Variants in BICD2 observed in about 807,000 individuals in gnomAD.
BICD2 encodes the protein protein bicaudal D homolog 2.
In BICD2, 25 loss-of-function variants were observed where a neutral mutation model predicts 72.9. The ratio of observed to expected loss-of-function variants is 0.34; its 90% CI spans 0.25 to 0.48. The LOEUF (loss-of-function observed/expected upper bound fraction) is 0.48. BICD2 is among the 20% of genes least tolerant of loss of function. The pLI is 0.99. For synonymous variants in BICD2, 501 were observed against 516.1 expected, an observed-to-expected ratio of 0.97 and a Z score of 0.40; for missense variants, 894 against 1,175.2, an observed-to-expected ratio of 0.76 and a Z score of 3.50.
At chr9:92,718,187 C>T (rs1040560205) in intron 5 of BICD2, among the ~76,000 whole-genome samples, 8 of 152,214 alleles carry the variant, frequency 5.3e-5, no homozygotes, top group Admixed American at 2.6e-4. Flanking sequence ...GCCAACAGGA[C>T]CTCCACGAAG....
At position 92,764,424 on chromosome 9, in the gene BICD2, C is replaced by T; in HGVS notation, c.240+81G>A. On this transcript the variant is annotated intron_variant, in intron 1 of 6. Transcript: ENST00000356884. The surrounding 1 kb of genome is among the most constrained non-coding windows in gnomAD (Gnocchi z 5.5). ...GCCGGCCCCCGCTTGGCAAGCTGACCTTGGCCGCCCTGGTGCCAGGGACGA... is the reference window on the plus strand; with the variant it reads ...GCCGGCCCCCGCTTGGCAAGCTGACTTTGGCCGCCCTGGTGCCAGGGACGA... 7.2e-7 allele frequency: 1 copy of T among 1,385,246 alleles called. No homozygotes were observed. Among genetic ancestry groups the T allele is most frequent in the Non-Finnish European group, 9.3e-7 (1 of 1,071,878 alleles). The allele number at this position is 1,385,246 out of a possible 1,614,324, so 85.8% of individuals were successfully genotyped here.
chr9:92,758,551 CAAAA>C (rs35074765), intron 1 of BICD2, among the ~76,000 whole-genome samples: 1 of 95,708 alleles, frequency 1.0e-5, no homozygotes. Context: ...GACTCCGTCT[CAAAA>C]AAAAAAAAAA....
At chr9:92,757,068 C>A (rs1286228603) in intron 1 of BICD2, among the ~76,000 whole-genome samples, 2 of 152,044 alleles carry the variant, frequency 1.3e-5, no homozygotes, top group Non-Finnish European at 2.9e-5. Context: ...AATCCTAGCA[C>A]CTTGCTGGGC....
Position 92,718,635 on chromosome 9 carries a change from T to G in BICD2, c.2010A>C (p.Glu670Asp), listed in dbSNP as rs1173011262. ...ELGPAVDKDK[E>D]ALMEEILKLK... ...GCTTGAGGATCTCCTCCATAAGCGC[T>G]TCCTTGTCCTTGTCCACGGCGGGGC... is the stretch of plus-strand genomic sequence containing the variant. Residue 670 changes from glutamate to aspartate, a missense_variant, in exon 5 of 7, where the codon GAA becomes GAC. Physicochemically the swap from Glu to Asp is conservative, Grantham distance 45 (BLOSUM62 2). Coordinates refer to ENST00000356884, the MANE Select transcript of BICD2 (RefSeq NM_001003800.2). The G allele has an allele frequency of 6.2e-7, 1 of 1,613,890 alleles. No individual in the cohort carries two copies. Among genetic ancestry groups the G allele is most frequent in the East Asian group, 2.2e-5 (1 of 44,862 alleles).
At chr9:92,743,599 G>T (rs576768804) in intron 1 of BICD2, among the ~76,000 whole-genome samples, 3 of 152,118 alleles carry the variant, frequency 2.0e-5, no homozygotes, top group African/African-American at 7.2e-5. Context: ...AAGTTCTCAG[G>T]AGAACCCATG....
chr9:92,758,126 C>T (rs977762390), intron 1 of BICD2, among the ~76,000 whole-genome samples: 9 of 151,470 alleles, frequency 5.9e-5, no homozygotes, highest in Non-Finnish European at 2.9e-5. Flanking sequence ...ATTGCTTGAA[C>T]CTGGAAGGCA....
intron 5 of BICD2, among the ~76,000 whole-genome samples, chr9:92,718,290 G>A (rs1023841803): frequency 2.6e-5 from 4 of 152,250 alleles, no homozygotes; most frequent in African/African-American, 9.6e-5. Context: ...AGTGAGTCAA[G>A]GGCAGCGGCA....
At chr9:92,763,095 G>A (rs1012892332) in intron 1 of BICD2, among the ~76,000 whole-genome samples, 1 of 152,184 alleles carries the variant, frequency 6.6e-6, no homozygotes, top group Non-Finnish European at 1.5e-5. Flanking sequence ...ACAGACAACA[G>A]AATCGAGTCC....
chr9:92,754,799 C>A (rs1025597036), intron 1 of BICD2, among the ~76,000 whole-genome samples: 5 of 152,194 alleles, frequency 3.3e-5, no homozygotes, highest in Non-Finnish European at 5.9e-5. Context: ...CTATGCCTGT[C>A]TTTACTTTAA....
chr9:92,723,944 G>A (rs1177877105), intron 2 of BICD2, among the ~76,000 whole-genome samples: 1 of 152,168 alleles, frequency 6.6e-6, no homozygotes, highest in African/African-American at 2.4e-5. Context: ...GCAGCTCCCT[G>A]ACCTCTGGCC....
intron 1 of BICD2, among the ~76,000 whole-genome samples, chr9:92,755,782 G>T (rs1354265934): frequency 6.6e-6 from 1 of 152,216 alleles, no homozygotes; most frequent in Non-Finnish European, 1.5e-5. Flanking sequence ...AGGAAGAAGG[G>T]CAGAGCAAAG....
chr9:92,714,971 G>A lies in BICD2; in HGVS notation c.*183C>T, dbSNP rs969915233. The A allele has an allele frequency of 7.8e-6, 11 of 1,403,190 alleles. No homozygotes were observed. The African/African-American group carries it at 1.6e-4, about 20-fold the overall frequency. 86.9% of individuals were successfully genotyped at this position (1,403,190 alleles called of 1,614,324 possible). On this transcript the variant is annotated 3_prime_UTR_variant, in exon 7 of 7. Coordinates refer to ENST00000356884, the MANE Select transcript of BICD2 (RefSeq NM_001003800.2). ...GGTGCTCCTGAGGGGGCTTTGAGGA[G>A]TGAGAAGCGACACAAAGCTCTCACA...
At position 92,741,496 on chromosome 9, in the gene BICD2, A is replaced by T. The variant is rs1026161195; in HGVS notation, c.241-12260T>A. On this transcript the variant is annotated intron_variant, in intron 1 of 6. Coordinates refer to ENST00000356884, the MANE Select transcript of BICD2 (RefSeq NM_001003800.2). ...ACTAATATTTTTAAAGGAATTTAAA[A>T]TGTCATCTATGCTAAGATGCTTTCA... is the stretch of plus-strand genomic sequence containing the variant. Among the ~76,000 whole-genome samples, 5 of 152,268 alleles carry T rather than the reference A, an allele frequency of 3.3e-5. No individual in the cohort carries two copies. The East Asian group carries it at 9.6e-4, about 29-fold the overall frequency.
chr9:92,740,895 T>C (rs1853885489), intron 1 of BICD2, among the ~76,000 whole-genome samples: 1 of 152,174 alleles, frequency 6.6e-6, no homozygotes, highest in Admixed American at 6.5e-5. Context: ...CCAGCAGGCC[T>C]GCCTCACAGG....
At chr9:92,749,670 C>A (rs187706471) in intron 1 of BICD2, among the ~76,000 whole-genome samples, 36 of 152,324 alleles carry the variant, frequency 2.4e-4, no homozygotes, top group African/African-American at 7.7e-4. Context: ...AAGATTACAC[C>A]CTAATTGCCC....
At chr9:92,738,182 C>T (rs888197788) in intron 1 of BICD2, among the ~76,000 whole-genome samples, 1 of 152,240 alleles carries the variant, frequency 6.6e-6, no homozygotes, top group South Asian at 2.1e-4. Flanking sequence ...AATGGGGCTA[C>T]GGGGCCAAGT....
rs750241183 is a variant in BICD2, at chr9:92,719,304, G to A, written c.1341C>T (p.Gly447=). The change falls in exon 5 of 7, where the codon GGC becomes GGT. Residue 447 remains glycine, a synonymous_variant. Coordinates refer to ENST00000356884, the MANE Select transcript of BICD2 (RefSeq NM_001003800.2). Reference sequence around the variant, plus strand: ...GTGCCTTGAGCTGCTCGCGGAGCTCGCCAGCCTCAGCCACAGCCACATGGT... The same window carrying A: ...GTGCCTTGAGCTGCTCGCGGAGCTCACCAGCCTCAGCCACAGCCACATGGT... The part of the protein sequence containing the change: ...CKYHVAVAEA[G]ELREQLKALR... The A allele has an allele frequency of 1.1e-5, 18 of 1,613,616 alleles. No homozygotes were observed. Among genetic ancestry groups the A allele is most frequent in the African/African-American group, 6.7e-5 (5 of 74,942 alleles).
Position 92,722,121 on chromosome 9 carries a change from A to G in BICD2, c.606+535T>C, listed in dbSNP as rs150279645. Among the ~76,000 whole-genome samples, 740 of 152,368 alleles carry G rather than the reference A, an allele frequency of 4.9e-3. 6 individuals carry two copies. The highest frequency in any genetic ancestry group is 0.017 in the African/African-American group (718 of 41,582). On this transcript the variant is annotated intron_variant, in intron 3 of 6. Transcript: ENST00000356884. ...GCCTTGAGTGGCAGAACAGCAGAGC[A>G]CATGACAATTTAGTCACATCACAAA...
chr9:92,720,627 C>G lies in BICD2; in HGVS notation c.735G>C (p.Glu245Asp), dbSNP rs2131502587. The G allele has an allele frequency of 6.2e-7, 1 of 1,614,192 alleles. No individual in the cohort carries two copies. The highest frequency in any genetic ancestry group is 8.5e-7 in the Non-Finnish European group (1 of 1,180,036). ...ISERQLEEAL[E>D]TLKTEREQKN... ...TCTGTTCGCGCTCCGTCTTCAGGGT[C>G]TCCAGCGCCTCCTCCAGCTGCCGCT... Residue 245 changes from glutamate to aspartate, a missense_variant, in exon 4 of 7, where the codon GAG becomes GAC. Transcript: ENST00000356884. The surrounding 1 kb of genome is among the most constrained non-coding windows in gnomAD (Gnocchi z 5.4).
Sources: allele counts gnomAD v4.1 joint callset (sites outside exome capture counted in the v4.1 genomes callset), GRCh38; gene constraint gnomAD v4.1.1; non-coding constraint Gnocchi (gnomAD v3.1); transcripts MANE v1.5; gene names NCBI Gene and HGNC (gene_info 2026-07-23, HGNC 2026-07-21).